LDAH: variants seen among roughly 807,000 people sequenced by gnomAD.
LDAH encodes lipid droplet-associated hydrolase.
In LDAH, 26 loss-of-function variants were observed where a neutral mutation model predicts 29.6. The ratio of observed to expected loss-of-function variants is 0.88; its 90% CI spans 0.64 to 1.22. The LOEUF is 1.22. Among genes scored for constraint, LDAH ranks in the 50% most tolerant of loss-of-function variants. LDAH has a pLI of 0.00. For synonymous variants in LDAH, 117 were observed against 133.0 expected, an observed-to-expected ratio of 0.88 and a Z score of 0.83; for missense variants, 344 against 387.3, an observed-to-expected ratio of 0.89 and a Z score of 0.94.
chr2:20,758,640 C>T (rs1668481249), intron 4 of LDAH, among the ~76,000 whole-genome samples: 1 of 151,976 alleles, frequency 6.6e-6, no homozygotes, highest in Admixed American at 6.6e-5. Context: ...AAAAGTGTTA[C>T]CAAAGGAAGG....
intron 5 of LDAH, among the ~76,000 whole-genome samples, chr2:20,729,522 TG>T (rs1666252464): frequency 6.6e-6 from 1 of 152,224 alleles, no homozygotes; most frequent in Non-Finnish European, 1.5e-5. Flanking sequence ...TCCTCAGCCC[TG>T]GGACTCTGGG....
At chr2:20,726,906 G>C (rs2149410264) in intron 5 of LDAH, among the ~76,000 whole-genome samples, 1 of 152,188 alleles carries the variant, frequency 6.6e-6, no homozygotes, top group African/African-American at 2.4e-5. Context: ...AATTTCTTTA[G>C]AAAAAATAAG....
Position 20,781,136 on chromosome 2 carries a change from G to C in LDAH, c.299-6157C>G, listed in dbSNP as rs541860302. On this transcript the variant is annotated intron_variant, in intron 3 of 6. Transcript: ENST00000237822. ...TTTCATACTTTCTAAACAATGACTTGAAATAGTTGATAATGAATTTCCCAT... is the reference window on the plus strand; with the variant it reads ...TTTCATACTTTCTAAACAATGACTTCAAATAGTTGATAATGAATTTCCCAT... Among the ~76,000 whole-genome samples the C allele has an allele frequency of 2.8e-4, 43 of 152,128 alleles. 1 individual carries two copies. The highest frequency in any genetic ancestry group is 1.3e-4 in the Admixed American group (2 of 15,286).
chr2:20,739,457 T>G (rs1292510720), intron 5 of LDAH, among the ~76,000 whole-genome samples: 1 of 152,152 alleles, frequency 6.6e-6, no homozygotes, highest in Non-Finnish European at 1.5e-5. Context: ...ACAAAAACAT[T>G]TCCTAGCATA....
chr2:20,775,394 G>T (rs1022165038), intron 3 of LDAH, among the ~76,000 whole-genome samples: 6 of 152,032 alleles, frequency 3.9e-5, no homozygotes, highest in Non-Finnish European at 1.5e-5. Context: ...CATATTGCTG[G>T]GCTCCACACC....
At chr2:20,687,532 C>T (rs1051197964) in intron 6 of LDAH, among the ~76,000 whole-genome samples, 1 of 152,334 alleles carries the variant, frequency 6.6e-6, no homozygotes. Flanking sequence ...TGAATGAATA[C>T]AAACACAGAT....
intron 1 of LDAH, among the ~76,000 whole-genome samples, chr2:20,815,739 C>G (rs554776410): frequency 6.6e-5 from 10 of 152,058 alleles, no homozygotes; most frequent in African/African-American, 1.9e-4. Flanking sequence ...TAATTTGTCA[C>G]TAACAGACAT....
At chr2:20,818,534 T>C (rs1305238391) in intron 1 of LDAH, among the ~76,000 whole-genome samples, 2 of 152,088 alleles carry the variant, frequency 1.3e-5, no homozygotes, top group Non-Finnish European at 1.5e-5. Flanking sequence ...ATATCCTAAC[T>C]TGATCACCAT....
intron 6 of LDAH, among the ~76,000 whole-genome samples, chr2:20,697,882 T>C (rs192408595): frequency 1.3e-5 from 2 of 152,344 alleles, no homozygotes; most frequent in East Asian, 3.9e-4. Flanking sequence ...GCCTATATTT[T>C]GTCATCTATA....
intron 6 of LDAH, among the ~76,000 whole-genome samples, chr2:20,693,446 T>G (rs1663183133): frequency 6.6e-6 from 1 of 152,252 alleles, no homozygotes; most frequent in Non-Finnish European, 1.5e-5. Flanking sequence ...ATATACTTAC[T>G]CATTATCTAA....
chr2:20,725,492 G>T lies in LDAH; in HGVS notation c.703+14479C>A, dbSNP rs181488957. 3.3e-5 allele frequency among the ~76,000 whole-genome samples: 5 copies of T among 152,302 alleles called. No homozygotes were observed. In the East Asian group the frequency reaches 9.7e-4, roughly 29 times the overall value. On this transcript the variant is annotated intron_variant, in intron 5 of 6. Transcript: ENST00000237822. ...ATGGCAACGATGGATTTTAGTTCTG[G>T]TGGACTGACTGTCTTACCTCAGTGT...
At chr2:20,793,214 T>A (rs1188791704) in intron 2 of LDAH, among the ~76,000 whole-genome samples, 1 of 151,954 alleles carries the variant, frequency 6.6e-6, no homozygotes, top group Admixed American at 6.6e-5. Flanking sequence ...ATAGGTGAGA[T>A]AAAGAGTGTG....
In LDAH at chr2:20,795,253, A is replaced by C. The variant is rs915813854; in HGVS notation, c.155-4855T>G. On this transcript the variant is annotated intron_variant, in intron 2 of 6. Transcript: ENST00000237822. ...GACTGCTAATAATCTCCAACTATAC[A>C]ATGCTGCAAGTATAGACTTATACCT... 3.3e-5 allele frequency among the ~76,000 whole-genome samples: 5 copies of C among 152,320 alleles called. No individual in the cohort carries two copies. The South Asian group carries it at 1.0e-3, about 32-fold the overall frequency.
chr2:20,738,753 A>G (rs561546796), intron 5 of LDAH, among the ~76,000 whole-genome samples: 3 of 125,580 alleles, frequency 2.4e-5, no homozygotes, highest in African/African-American at 7.9e-5. Context: ...GGAAAATGGA[A>G]GGGGGAAAAA....
In LDAH at chr2:20,684,402, GCT is replaced by G. The variant is rs1662413928; in HGVS notation, c.*2499_*2500del. 1 of 146,380 alleles carries G rather than the reference GCT, an allele frequency of 6.8e-6. No homozygotes were observed. Among genetic ancestry groups the G allele is most frequent in the South Asian group, 2.2e-4 (1 of 4,634 alleles). The allele number at this position is 146,380 out of a possible 1,614,324, so 9.1% of individuals were successfully genotyped here. On this transcript the variant is annotated 3_prime_UTR_variant, in exon 7 of 7. Transcript: ENST00000237822. ...TAATCTGAAATTGCTTTTTTTTTTT[GCT>G]CTTTTTTAAAAATTATTTTAGACAC...
At chr2:20,723,862 A>C (rs1200446716) in intron 5 of LDAH, among the ~76,000 whole-genome samples, 1 of 152,196 alleles carries the variant, frequency 6.6e-6, no homozygotes, top group Non-Finnish European at 1.5e-5. Flanking sequence ...CAAAAACATG[A>C]AGGAAAGAGA....
intron 4 of LDAH, among the ~76,000 whole-genome samples, chr2:20,740,560 T>G (rs776951236): frequency 6.6e-6 from 1 of 152,144 alleles, no homozygotes; most frequent in Non-Finnish European, 1.5e-5. Flanking sequence ...TCTCCTGCCT[T>G]GGCCTCCCAA....
chr2:20,803,992 C>T lies in LDAH; in HGVS notation c.-2-2527G>A, dbSNP rs1473261801. On this transcript the variant is annotated intron_variant, in intron 1 of 6. Coordinates refer to ENST00000237822, the MANE Select transcript of LDAH (RefSeq NM_021925.4). The stretch of plus-strand genomic sequence containing the variant: ...AATCTTTCCCTCATTATACACAGCT[C>T]AAATTCTATTTGTTACATGAAGCCT... Among the ~76,000 whole-genome samples, 11 of 152,150 alleles carry T rather than the reference C, an allele frequency of 7.2e-5. No homozygotes were observed. The East Asian group carries it at 2.1e-3, about 29-fold the overall frequency.
At chr2:20,725,221 G>A (rs144421430) in intron 5 of LDAH, among the ~76,000 whole-genome samples, 7 of 150,480 alleles carry the variant, frequency 4.7e-5, no homozygotes, top group East Asian at 1.9e-4. Flanking sequence ...GCACCATGAT[G>A]GGGGGTGGCT....
Sources: gnomAD v4.1 joint callset for allele counts (sites outside exome capture counted in the v4.1 genomes callset) on GRCh38, gnomAD v4.1.1 for gene constraint, MANE v1.5 for transcripts, NCBI Gene and HGNC (gene_info 2026-07-23, HGNC 2026-07-21) for gene names.